TNFRSF19: variants seen among roughly 807,000 people sequenced by gnomAD.
TNFRSF19 encodes tumor necrosis factor receptor superfamily member 19.
In TNFRSF19, 27 loss-of-function variants were observed where a neutral mutation model predicts 46.4. That is an observed-to-expected ratio of 0.58 (90% CI 0.43 to 0.80). The LOEUF (loss-of-function observed/expected upper bound fraction) is 0.80. TNFRSF19 is among the 30% of genes least tolerant of loss of function. TNFRSF19 has a pLI of 0.00. For synonymous variants in TNFRSF19, 204 were observed against 205.0 expected (o/e 1.00, Z 0.04); for missense variants, 511 against 530.8 (o/e 0.96, Z 0.37).
chr13:23,667,850 T>C (rs1951671530), intron 7 of TNFRSF19, 130 bp from the exon 8 acceptor site: 1 of 693,420 alleles, frequency 1.4e-6, no homozygotes, highest in Non-Finnish European at 2.3e-6. Context: ...AAGAGAACCT[T>C]GTATTCCTTT....
chr13:23,582,749 A>T (rs1878545171), intron 1 of TNFRSF19, among the ~76,000 whole-genome samples: 1 of 152,162 alleles, frequency 6.6e-6, no homozygotes, highest in South Asian at 2.1e-4. Context: ...ACAACCTCTG[A>T]TCTGCTTTGT....
intron 4 of TNFRSF19, among the ~76,000 whole-genome samples, chr13:23,626,187 C>CTGTGTGTGTGTGTGTGTGTGTG (rs35509472): frequency 6.2e-5 from 9 of 145,468 alleles, no homozygotes; most frequent in African/African-American, 1.8e-4. Context: ...TCTTTAAAAT[C>CTGTGTGTGTGTGTGTGTGTGTG]TGTGTGTGTG....
intron 3 of TNFRSF19, among the ~76,000 whole-genome samples, chr13:23,608,965 A>T (rs915057778): frequency 1.1e-4 from 16 of 152,110 alleles, no homozygotes; most frequent in Non-Finnish European, 1.9e-4. Flanking sequence ...CATGCTCCTC[A>T]TGCCAGATGC....
At chr13:23,649,388 A>T (rs978900084) in intron 5 of TNFRSF19, among the ~76,000 whole-genome samples, 1 of 151,844 alleles carries the variant, frequency 6.6e-6, no homozygotes, top group South Asian at 2.1e-4. Context: ...AATCCTTTTT[A>T]TTTCTGTAAA....
chr13:23,632,174 G>A (rs1301896779), intron 5 of TNFRSF19, among the ~76,000 whole-genome samples: 6 of 152,154 alleles, frequency 3.9e-5, no homozygotes, highest in African/African-American at 4.8e-5. Context: ...TTTTCAAGTC[G>A]GCTGTGGTCC....
intron 7 of TNFRSF19, among the ~76,000 whole-genome samples, chr13:23,665,698 A>G (rs1951618989): frequency 1.3e-5 from 2 of 152,140 alleles, no homozygotes; most frequent in African/African-American, 4.8e-5. Flanking sequence ...CCCTTAGTAC[A>G]TCAATGTTTG....
intron 5 of TNFRSF19, among the ~76,000 whole-genome samples, chr13:23,656,670 G>T (rs1884005343): frequency 6.6e-6 from 1 of 152,134 alleles, no homozygotes; most frequent in South Asian, 2.1e-4. Context: ...TGGGTTATTT[G>T]AGCAAAAATT....
intron 5 of TNFRSF19, among the ~76,000 whole-genome samples, chr13:23,638,670 T>G (rs933910723): frequency 6.6e-6 from 1 of 152,158 alleles, no homozygotes; most frequent in Non-Finnish European, 1.5e-5. Flanking sequence ...TGTAGCAGCT[T>G]CCTCCCTGAC....
chr13:23,589,838 G>C (rs886910697), intron 1 of TNFRSF19, among the ~76,000 whole-genome samples: 1 of 150,750 alleles, frequency 6.6e-6, no homozygotes, highest in Non-Finnish European at 1.5e-5. Flanking sequence ...ATTTCATGCT[G>C]AGTGAAGTAG....
At chr13:23,601,313 A>G (rs1928117) in intron 3 of TNFRSF19, among the ~76,000 whole-genome samples, 45,273 of 152,150 alleles carry the variant, frequency 0.3, 6,864 homozygotes, top group South Asian at 0.34. Context: ...CTCAGAAATC[A>G]TGCAAGGCAG....
At chr13:23,589,200 G>A (rs765606) in intron 1 of TNFRSF19, among the ~76,000 whole-genome samples, 44,556 of 152,104 alleles carry the variant, frequency 0.29, 6,657 homozygotes, top group South Asian at 0.34. Flanking sequence ...ATGAGGCTTC[G>A]CTTTTTCTTT....
intron 1 of TNFRSF19, among the ~76,000 whole-genome samples, chr13:23,578,468 TACA>T (rs1878119576): frequency 6.6e-6 from 1 of 152,168 alleles, no homozygotes; most frequent in Non-Finnish European, 1.5e-5. Flanking sequence ...GGCAATTAAA[TACA>T]ACAACCTATT....
At position 23,578,447 on chromosome 13, in the gene TNFRSF19, C is replaced by G. The variant is rs75670596; in HGVS notation, c.-35+7599C>G. ...GCCGTTGGAAGCCTGGGATCACAAG[C>G]TGTGCTTTTGGGCAATTAAATACAA... On this transcript the variant is annotated intron_variant, in intron 1 of 9. Coordinates refer to ENST00000248484, the MANE Select transcript of TNFRSF19 (RefSeq NM_148957.4). Among the ~76,000 whole-genome samples the G allele has an allele frequency of 3.6e-3, 546 of 152,286 alleles. 3 individuals carry two copies. The highest frequency in any genetic ancestry group is 0.013 in the African/African-American group (521 of 41,556).
At chr13:23,592,409 A>G (rs994915632) in intron 2 of TNFRSF19, among the ~76,000 whole-genome samples, 2 of 152,242 alleles carry the variant, frequency 1.3e-5, no homozygotes, top group Non-Finnish European at 2.9e-5. Context: ...TTAAGCAGAT[A>G]AACATACTTT....
rs1247056401 is a variant in TNFRSF19, at chr13:23,673,421, C to T, written c.*41C>T. On this transcript the variant is annotated 3_prime_UTR_variant, in exon 10 of 10. Coordinates refer to ENST00000248484, the MANE Select transcript of TNFRSF19 (RefSeq NM_148957.4). ...CTGCAGTAGAAGCGTGTGCTGGAACCCAAAGAGTACTCCTTTGTTAGGCTT... is the reference window on the plus strand; with the variant it reads ...CTGCAGTAGAAGCGTGTGCTGGAACTCAAAGAGTACTCCTTTGTTAGGCTT... 1 of 1,593,204 alleles carries T rather than the reference C, an allele frequency of 6.3e-7. No homozygotes were observed. The highest frequency in any genetic ancestry group is 8.6e-7 in the Non-Finnish European group (1 of 1,167,874).
chr13:23,643,321 A>G (rs543896790), intron 5 of TNFRSF19, among the ~76,000 whole-genome samples: 4 of 152,354 alleles, frequency 2.6e-5, no homozygotes, highest in African/African-American at 7.2e-5. Context: ...TTGTGAATGC[A>G]GTAGAGAGCT....
At chr13:23,613,550 T>G (rs979572205) in intron 3 of TNFRSF19, among the ~76,000 whole-genome samples, 1 of 152,248 alleles carries the variant, frequency 6.6e-6, no homozygotes, top group African/African-American at 2.4e-5. Context: ...CTCCTCCTTC[T>G]TCTTTTCCTT....
intron 4 of TNFRSF19, among the ~76,000 whole-genome samples, chr13:23,619,447 T>C (rs1390648657): frequency 6.6e-6 from 1 of 152,218 alleles, no homozygotes; most frequent in East Asian, 1.9e-4. Flanking sequence ...TGTCCTAAAA[T>C]TGATTGTGGT....
At chr13:23,657,875 G>A (rs1389237579) in intron 5 of TNFRSF19, among the ~76,000 whole-genome samples, 1 of 152,040 alleles carries the variant, frequency 6.6e-6, no homozygotes, top group Non-Finnish European at 1.5e-5. Context: ...TTTAAATGTG[G>A]TTCCTAGACA....
Sources: gnomAD v4.1 joint callset for allele counts (sites outside exome capture counted in the v4.1 genomes callset) on GRCh38, gnomAD v4.1.1 for gene constraint, MANE v1.5 for transcripts, NCBI Gene and HGNC (gene_info 2026-07-23, HGNC 2026-07-21) for gene names.